GALNT13: variants seen among roughly 807,000 people sequenced by gnomAD.
The protein encoded by GALNT13 is polypeptide N-acetylgalactosaminyltransferase 13.
In GALNT13, 28 loss-of-function variants were observed where a neutral mutation model predicts 64.2. That is an observed-to-expected ratio of 0.44 (90% CI 0.32 to 0.60). The LOEUF is 0.60. Ranked by LOEUF, GALNT13 falls within the 20% of genes least tolerant of loss-of-function variation. GALNT13 has a pLI of 0.05. For missense variants in GALNT13, 577 were observed against 669.8 expected (o/e 0.86, Z 1.53); for synonymous variants, 214 against 224.6 (o/e 0.95, Z 0.42).
At chr2:153,716,456 G>C in the GALNT13 span, among the ~76,000 whole-genome samples, 5 of 152,048 alleles carry the variant, frequency 3.3e-5, no homozygotes, top group African/African-American at 1.2e-4. Context: ...GGAAACCAAA[G>C]ATTGGACACC....
chr2:153,787,911 G>A, the GALNT13 span, among the ~76,000 whole-genome samples: 4 of 152,072 alleles, frequency 2.6e-5, no homozygotes, highest in Admixed American at 2.6e-4. Context: ...AAGGGAACAA[G>A]CAAAACATTT....
At chr2:153,532,323 T>C in the GALNT13 span, among the ~76,000 whole-genome samples, 1 of 152,078 alleles carries the variant, frequency 6.6e-6, no homozygotes, top group African/African-American at 2.4e-5. Context: ...TACCTAGCCT[T>C]TTTGAGCCAC....
intron 4 of GALNT13, among the ~76,000 whole-genome samples, chr2:154,212,643 C>T (rs985775891): frequency 6.6e-6 from 1 of 151,750 alleles, no homozygotes; most frequent in African/African-American, 2.4e-5. Flanking sequence ...TCCTCCTATC[C>T]CTTTTCCTCA....
chr2:153,260,736 C>T, the GALNT13 span, among the ~76,000 whole-genome samples: 1 of 152,106 alleles, frequency 6.6e-6, no homozygotes, highest in African/African-American at 2.4e-5. Context: ...TGATATCTGT[C>T]TCTAGATTTG....
the GALNT13 span, among the ~76,000 whole-genome samples, chr2:153,592,630 G>A: frequency 6.6e-6 from 1 of 152,068 alleles, no homozygotes; most frequent in Non-Finnish European, 1.5e-5. Flanking sequence ...CTCATAAATG[G>A]GTGCTAAAAA....
chr2:154,322,953 T>C (rs1694701784), intron 9 of GALNT13, among the ~76,000 whole-genome samples: 1 of 152,024 alleles, frequency 6.6e-6, no homozygotes, highest in African/African-American at 2.4e-5. Flanking sequence ...CTGAAATGTT[T>C]ATCTGTGACT....
chr2:153,584,268 C>T, the GALNT13 span, among the ~76,000 whole-genome samples: 1 of 152,256 alleles, frequency 6.6e-6, no homozygotes, highest in South Asian at 2.1e-4. Flanking sequence ...GGGGCTTGAG[C>T]ACAAGCTTGC....
the GALNT13 span, among the ~76,000 whole-genome samples, chr2:153,748,839 CT>C: frequency 6.6e-6 from 1 of 151,680 alleles, no homozygotes; most frequent in Non-Finnish European, 1.5e-5. Context: ...ATTCAAGAAA[CT>C]TTTTCCACCC....
chr2:153,222,412 G>A, the GALNT13 span, among the ~76,000 whole-genome samples: 3 of 73,646 alleles, frequency 4.1e-5, no homozygotes, highest in African/African-American at 1.6e-4. Flanking sequence ...GGCCGGGCCT[G>A]GAGAAAGCAC....
chr2:153,757,835 G>T, the GALNT13 span, among the ~76,000 whole-genome samples: 1 of 151,966 alleles, frequency 6.6e-6, no homozygotes, highest in Non-Finnish European at 1.5e-5. Flanking sequence ...CAGGTTATTT[G>T]TTTGCTTTCT....
At chr2:153,269,842 G>A in the GALNT13 span, among the ~76,000 whole-genome samples, 3 of 152,194 alleles carry the variant, frequency 2.0e-5, no homozygotes, top group South Asian at 6.2e-4. Flanking sequence ...GAGAGGGAAG[G>A]GGGATGTGCC....
the GALNT13 span, among the ~76,000 whole-genome samples, chr2:153,527,651 G>A: frequency 6.6e-6 from 1 of 152,136 alleles, no homozygotes; most frequent in Non-Finnish European, 1.5e-5. Flanking sequence ...TAACTGTGGT[G>A]TGTAAACTAC....
At chr2:153,812,827 G>T in the GALNT13 span, among the ~76,000 whole-genome samples, 1 of 152,048 alleles carries the variant, frequency 6.6e-6, no homozygotes, top group Non-Finnish European at 1.5e-5. Flanking sequence ...CGCACAAAGT[G>T]TTTTCTTTCT....
chr2:154,138,381 A>C (rs1373492997), intron 3 of GALNT13, among the ~76,000 whole-genome samples: 1 of 152,094 alleles, frequency 6.6e-6, no homozygotes, highest in East Asian at 1.9e-4. Context: ...TCCCCTACAA[A>C]GATATTGTAA....
chr2:153,981,446 T>A (rs960901677), intron 3 of GALNT13, among the ~76,000 whole-genome samples: 11 of 152,088 alleles, frequency 7.2e-5, no homozygotes, highest in African/African-American at 2.7e-4. Flanking sequence ...AATTCCCACC[T>A]ATGAGTGAGA....
chr2:153,441,223 G>C, the GALNT13 span, among the ~76,000 whole-genome samples: 1 of 152,096 alleles, frequency 6.6e-6, no homozygotes, highest in Non-Finnish European at 1.5e-5. Context: ...CTCATTGCTT[G>C]TTTGTATCAG....
At chr2:154,339,241 G>T (rs577517327) in intron 9 of GALNT13, among the ~76,000 whole-genome samples, 21 of 152,180 alleles carry the variant, frequency 1.4e-4, no homozygotes, top group Non-Finnish European at 2.6e-4. Context: ...TATGCAGTTG[G>T]TATATCTATC....
intron 3 of GALNT13, among the ~76,000 whole-genome samples, chr2:154,044,211 G>A (rs934804645): frequency 6.6e-6 from 1 of 152,166 alleles, no homozygotes; most frequent in Non-Finnish European, 1.5e-5. Flanking sequence ...GTGAATGGGA[G>A]AGAGGCTAGT....
chr2:153,729,296 G>T, the GALNT13 span, among the ~76,000 whole-genome samples: 19 of 152,158 alleles, frequency 1.2e-4, no homozygotes, highest in Admixed American at 2.0e-4. Flanking sequence ...ATGAAAAAAT[G>T]TCTTTTCAGA....
Sources: gnomAD v4.1 joint callset for allele counts (sites outside exome capture counted in the v4.1 genomes callset) on GRCh38, gnomAD v4.1.1 for gene constraint, MANE v1.5 for transcripts, NCBI Gene and HGNC (gene_info 2026-07-23, HGNC 2026-07-21) for gene names.